The following IRAK1BP1 variants were observed in gnomAD, a reference collection of about 807,000 sequenced individuals.
IRAK1BP1 encodes the protein interleukin 1 receptor associated kinase 1 binding protein 1.
A neutral mutation model predicts 28.0 loss-of-function variants in IRAK1BP1; 24 were observed. That is an observed-to-expected ratio of 0.86 (90% CI 0.62 to 1.20). IRAK1BP1 has a LOEUF of 1.20. IRAK1BP1 is among the 50% of genes most tolerant of loss of function. The pLI is 0.00. For synonymous variants in IRAK1BP1, 131 were observed against 116.3 expected (o/e 1.13, Z -0.81); for missense variants, 336 against 316.7 (o/e 1.06, Z -0.46).
chr6:78,913,997 G>A (rs1315261938), intron 4 of IRAK1BP1, among the ~76,000 whole-genome samples: 4 of 152,044 alleles, frequency 2.6e-5, no homozygotes, highest in African/African-American at 9.7e-5. Flanking sequence ...AAATGCATAA[G>A]TCATATGAAG....
intron 4 of IRAK1BP1, among the ~76,000 whole-genome samples, chr6:78,927,491 C>T (rs1361059167): frequency 2.0e-5 from 3 of 152,076 alleles, no homozygotes; most frequent in Admixed American, 2.0e-4. Context: ...TGGGTTGTCT[C>T]TTCACTTTGC....
At chr6:78,888,366 AG>A (rs1253047035) in intron 2 of IRAK1BP1, among the ~76,000 whole-genome samples, 1 of 152,238 alleles carries the variant, frequency 6.6e-6, no homozygotes, top group African/African-American at 2.4e-5. Flanking sequence ...ACATACACAA[AG>A]GACACAAGGA....
chr6:78,897,214 G>C lies in IRAK1BP1; in HGVS notation c.382-615G>C, dbSNP rs1426233021. ...GCTGCAGTGAGCTATGATAATGCCA[G>C]TGCACTCCAGCCTGGGCAACGTAGC... On this transcript the variant is annotated intron_variant, in intron 2 of 3. Coordinates refer to ENST00000369940, the MANE Select transcript of IRAK1BP1 (RefSeq NM_001010844.4). Among the ~76,000 whole-genome samples, 3 of 145,322 alleles carry C rather than the reference G, an allele frequency of 2.1e-5. No individual in the cohort carries two copies. The East Asian group carries it at 6.1e-4, about 30-fold the overall frequency.
At chr6:78,948,100 T>C (rs1773928313), downstream of IRAK1BP1, among the ~76,000 whole-genome samples, 1 of 152,096 alleles carries the variant, frequency 6.6e-6, no homozygotes, top group Non-Finnish European at 1.5e-5. Context: ...AACCGAAAGT[T>C]TGAAAGAAAA....
At position 78,885,450 on chromosome 6, in the gene IRAK1BP1, A is replaced by ACATAT. The variant is rs1554187992; in HGVS notation, c.381+8_381+9insATATC. ...TTATCACATGGAAGCAGAGGTATGT[A>ACATAT]CTTAACAAATAATTGGAAGCAGCAT... On this transcript the variant is annotated splice_region_variant and intron_variant, in intron 2 of 3. Coordinates refer to ENST00000369940, the MANE Select transcript of IRAK1BP1 (RefSeq NM_001010844.4). 7.2e-7 allele frequency: 1 copy of ACATAT among 1,386,032 alleles called. No homozygotes were observed. The highest frequency in any genetic ancestry group is 1.0e-6 in the Non-Finnish European group (1 of 995,056). 85.9% of individuals were successfully genotyped at this position (1,386,032 alleles called of 1,614,324 possible).
At chr6:78,905,792 A>G (rs1416786524), downstream of IRAK1BP1, among the ~76,000 whole-genome samples, 4 of 152,014 alleles carry the variant, frequency 2.6e-5, no homozygotes, top group Admixed American at 2.0e-4. Flanking sequence ...TAGTAGAGAC[A>G]GGGTTTCACC....
chr6:78,933,067 A>G (rs1024401138), intron 4 of IRAK1BP1, among the ~76,000 whole-genome samples: 1 of 152,084 alleles, frequency 6.6e-6, no homozygotes, highest in African/African-American at 2.4e-5. Context: ...AATTTTTGGA[A>G]TGGTAAAGAA....
chr6:78,935,517 T>C, intron 4 of IRAK1BP1: 1 of 977,952 alleles, frequency 1.0e-6, no homozygotes, highest in Non-Finnish European at 1.2e-6. Flanking sequence ...AATGTATCTC[T>C]TACGAAAGTA....
rs1215324498 is a variant in IRAK1BP1, at chr6:78,899,119, A to T, written c.*785A>T. ...CAGGCTTTTGTTGTAGGTAAAGAAT[A>T]CTGAGCTTGGAGGGTTCACTGCTTT... On this transcript the variant is annotated 3_prime_UTR_variant, in exon 4 of 4. Coordinates refer to ENST00000369940, the MANE Select transcript of IRAK1BP1 (RefSeq NM_001010844.4). The T allele has an allele frequency of 2.0e-5, 3 of 152,228 alleles. No individual in the cohort carries two copies. Among genetic ancestry groups the T allele is most frequent in the Non-Finnish European group, 4.4e-5 (3 of 68,048 alleles). 9.4% of individuals were successfully genotyped at this position (152,228 alleles called of 1,614,324 possible). A position where few individuals can be genotyped will look rare whatever the true frequency, so the allele number is the denominator to read the frequency against.
At chr6:78,929,557 G>A (rs960802722) in intron 4 of IRAK1BP1, among the ~76,000 whole-genome samples, 3 of 151,908 alleles carry the variant, frequency 2.0e-5, no homozygotes, top group Non-Finnish European at 4.4e-5. Flanking sequence ...AGGAAGGAGG[G>A]GGACAAGCAT....
the IRAK1BP1 span, among the ~76,000 whole-genome samples, chr6:78,954,205 C>T: frequency 6.6e-6 from 1 of 151,940 alleles, no homozygotes; most frequent in Admixed American, 6.5e-5. Context: ...GGGTTCACGC[C>T]ATTCTCCTGC....
chr6:78,969,847 G>A, the IRAK1BP1 span: 1 of 1,552,078 alleles, frequency 6.4e-7, no homozygotes, highest in Non-Finnish European at 8.9e-7. Flanking sequence ...ATATTCCATC[G>A]CCTGTATTTT....
chr6:78,973,237 A>G, the IRAK1BP1 span, among the ~76,000 whole-genome samples: 3 of 151,990 alleles, frequency 2.0e-5, no homozygotes, highest in Non-Finnish European at 4.4e-5. Flanking sequence ...ATTCTTAAAG[A>G]AAAGAATTTT....
chr6:78,884,036 C>T (rs1324424176), intron 1 of IRAK1BP1, among the ~76,000 whole-genome samples: 2 of 152,074 alleles, frequency 1.3e-5, no homozygotes, highest in Non-Finnish European at 2.9e-5. Context: ...GGAGAACTAC[C>T]GTACTGTTTT....
At chr6:78,934,774 G>T (rs190129516) in intron 4 of IRAK1BP1, among the ~76,000 whole-genome samples, 1 of 152,306 alleles carries the variant, frequency 6.6e-6, no homozygotes, top group African/African-American at 2.4e-5. Context: ...GAAGCTCTGA[G>T]ATACGACTTT....
chr6:78,892,927 A>C (rs963070921), intron 2 of IRAK1BP1, among the ~76,000 whole-genome samples: 3 of 152,140 alleles, frequency 2.0e-5, no homozygotes, highest in South Asian at 4.1e-4. Flanking sequence ...GGACAACATC[A>C]AATAGCCTAT....
At chr6:78,912,130 A>G (rs1385199619) in intron 4 of IRAK1BP1, among the ~76,000 whole-genome samples, 1 of 152,032 alleles carries the variant, frequency 6.6e-6, no homozygotes, top group Non-Finnish European at 1.5e-5. Context: ...TGCTTTTTTC[A>G]CCATTATAGC....
At position 78,869,472 on chromosome 6, in the gene IRAK1BP1, A is replaced by G. The variant is rs145724454; in HGVS notation, c.315+1581A>G. Among the ~76,000 whole-genome samples the G allele has an allele frequency of 6.4e-4, 97 of 152,338 alleles. 1 individual carries two copies. The South Asian group carries it at 8.1e-3, about 13-fold the overall frequency. On this transcript the variant is annotated intron_variant, in intron 1 of 3. Coordinates refer to ENST00000369940, the MANE Select transcript of IRAK1BP1 (RefSeq NM_001010844.4). The stretch of plus-strand genomic sequence containing the variant: ...GAGGCGAAGGTTTCAGTGAGCCGAG[A>G]TGGTGCCACTGCACTCCAGCTTGGG...
At chr6:78,930,960 AAAAT>A (rs1773029172) in intron 4 of IRAK1BP1, among the ~76,000 whole-genome samples, 1 of 29,484 alleles carries the variant, frequency 3.4e-5, no homozygotes, top group Non-Finnish European at 7.5e-5. Flanking sequence ...AAATAAAAAT[AAAAT>A]AAAAAAAAAT....
Sources: gnomAD v4.1 joint callset for allele counts (sites outside exome capture counted in the v4.1 genomes callset) on GRCh38, gnomAD v4.1.1 for gene constraint, MANE v1.5 for transcripts, NCBI Gene and HGNC (gene_info 2026-07-23, HGNC 2026-07-21) for gene names.